The following GLIS3 variants were observed in gnomAD, a reference collection of about 807,000 sequenced individuals.
GLIS3 encodes zinc finger protein GLIS3.
A neutral mutation model predicts 78.6 loss-of-function variants in GLIS3; 53 were observed. That is an observed-to-expected ratio of 0.67 (90% confidence interval 0.54 to 0.85). The LOEUF is 0.85. Ranked by LOEUF, GLIS3 falls within the 40% of genes least tolerant of loss-of-function variation. GLIS3 has a pLI of 0.00. For synonymous variants in GLIS3, 684 were observed against 509.9 expected, an observed-to-expected ratio of 1.34 and a Z score of -4.60; for missense variants, 1,703 against 1,231.1, an observed-to-expected ratio of 1.38 and a Z score of -5.74.
At chr9:3,835,233 A>G (rs1452373432) in intron 9 of GLIS3, among the ~76,000 whole-genome samples, 1 of 152,170 alleles carries the variant, frequency 6.6e-6, no homozygotes, top group Non-Finnish European at 1.5e-5. Flanking sequence ...CATGGACAAC[A>G]CTCAGAATCG....
chr9:4,290,909 C>T (rs1471492109), intron 1 of GLIS3, among the ~76,000 whole-genome samples: 2 of 152,044 alleles, frequency 1.3e-5, no homozygotes, highest in African/African-American at 2.4e-5. Flanking sequence ...CAAATTGAAA[C>T]TGGAGGATAC....
At chr9:4,287,284 C>G (rs1022829226) in intron 1 of GLIS3, among the ~76,000 whole-genome samples, 2 of 152,104 alleles carry the variant, frequency 1.3e-5, no homozygotes, top group African/African-American at 4.8e-5. Flanking sequence ...AGTGACCTGT[C>G]CAGTATGTAC....
chr9:4,482,084 A>C, the GLIS3 span, among the ~76,000 whole-genome samples: 1 of 152,242 alleles, frequency 6.6e-6, no homozygotes, highest in Non-Finnish European at 1.5e-5. Context: ...TTATTAATTT[A>C]AATGGTATCT....
At chr9:4,121,422 A>G (rs1832171228) in intron 3 of GLIS3, among the ~76,000 whole-genome samples, 1 of 152,220 alleles carries the variant, frequency 6.6e-6, no homozygotes, top group Non-Finnish European at 1.5e-5. Context: ...ATACATACTA[A>G]GTACTCAAAA....
rs536116969 is a variant in GLIS3 at position 3,825,633 on chromosome 9, A to G, written c.*2639T>C. On this transcript the variant is annotated 3_prime_UTR_variant, in exon 11 of 11. Transcript: ENST00000381971. ...AGTTTCCACTTGTACTGCTGCAAAA[A>G]TAATGATGAATATATATATAAATCT... 2 of 152,356 alleles carry G rather than the reference A, an allele frequency of 1.3e-5. No homozygotes were observed. Among genetic ancestry groups the G allele is most frequent in the Admixed American group, 6.5e-5 (1 of 15,308 alleles). The allele number at this position is 152,356 out of a possible 1,614,324, so 9.4% of individuals were successfully genotyped here. A position where few individuals can be genotyped will look rare whatever the true frequency, so the allele number is the denominator to read the frequency against.
intron 2 of GLIS3, among the ~76,000 whole-genome samples, chr9:4,235,289 A>C: frequency 1.1e-5 from 1 of 93,454 alleles, no homozygotes; most frequent in Non-Finnish European, 2.0e-5. Flanking sequence ...ACACAGTGAG[A>C]CTCTGTCTCA....
intron 4 of GLIS3, among the ~76,000 whole-genome samples, chr9:4,045,796 T>C (rs7847440): frequency 0.079 from 11,996 of 152,130 alleles, 1,171 homozygotes; most frequent in African/African-American, 0.23. Context: ...GCAACAGAGA[T>C]CACTAATGTT....
intron 7 of GLIS3, among the ~76,000 whole-genome samples, chr9:3,882,106 A>T (rs1447697143): frequency 6.6e-6 from 1 of 152,216 alleles, no homozygotes; most frequent in African/African-American, 2.4e-5. Flanking sequence ...GGTACCTATC[A>T]TTTGGCAGAC....
chr9:4,107,375 TAAGAG>T (rs1343184398), intron 4 of GLIS3, among the ~76,000 whole-genome samples: 1 of 152,126 alleles, frequency 6.6e-6, no homozygotes, highest in African/African-American at 2.4e-5. Flanking sequence ...CCGAATGGGA[TAAGAG>T]AAGTCAAGCC....
intron 2 of GLIS3, among the ~76,000 whole-genome samples, chr9:4,273,803 C>A (rs1031565471): frequency 6.6e-5 from 10 of 152,092 alleles, no homozygotes; most frequent in Non-Finnish European, 1.3e-4. Context: ...TACCCAAGAT[C>A]CCCAATCTCT....
intron 4 of GLIS3, among the ~76,000 whole-genome samples, chr9:4,032,441 T>C (rs1400099646): frequency 2.6e-5 from 4 of 152,082 alleles, no homozygotes; most frequent in Non-Finnish European, 5.9e-5. Context: ...AGAATGCTTT[T>C]TTTTCAAAAT....
chr9:4,358,828 G>A, the GLIS3 span, among the ~76,000 whole-genome samples: 2,914 of 152,288 alleles, frequency 0.019, 96 homozygotes, highest in African/African-American at 0.066. Flanking sequence ...AAAGGTCCCT[G>A]TAAGATGTAA....
At chr9:4,020,917 T>TGCACACAGTTCCAAAAATAGA (rs1242672007) in intron 4 of GLIS3, among the ~76,000 whole-genome samples, 1 of 152,166 alleles carries the variant, frequency 6.6e-6, no homozygotes, top group African/African-American at 2.4e-5. Flanking sequence ...AACTTCCACC[T>TGCACACAGTTCCAAAAATAGA]GCACACAGTT....
At chr9:3,933,317 A>C (rs927883443) in intron 5 of GLIS3, among the ~76,000 whole-genome samples, 4 of 152,180 alleles carry the variant, frequency 2.6e-5, no homozygotes, top group Non-Finnish European at 5.9e-5. Flanking sequence ...CTGGGATTAA[A>C]GGTGTGTGCC....
At chr9:4,234,315 T>A (rs1822525593) in intron 2 of GLIS3, among the ~76,000 whole-genome samples, 2 of 152,226 alleles carry the variant, frequency 1.3e-5, no homozygotes, top group African/African-American at 4.8e-5. Flanking sequence ...GTGCGACTCC[T>A]CCTTTCACTT....
chr9:3,959,297 C>CA (rs1398691388), intron 4 of GLIS3, among the ~76,000 whole-genome samples: 1 of 152,228 alleles, frequency 6.6e-6, no homozygotes, highest in Non-Finnish European at 1.5e-5. Flanking sequence ...AGTAGGCTCT[C>CA]ACCAGACACT....
intron 4 of GLIS3, among the ~76,000 whole-genome samples, chr9:4,038,277 G>T (rs552840277): frequency 8.7e-6 from 1 of 115,012 alleles, no homozygotes; most frequent in Non-Finnish European, 1.8e-5. Flanking sequence ...TTTGAAGTGT[G>T]GTAGGAAACT....
the GLIS3 span, among the ~76,000 whole-genome samples, chr9:4,447,267 CA>C: frequency 2.0e-5 from 3 of 152,056 alleles, no homozygotes; most frequent in Non-Finnish European, 4.4e-5. Context: ...AGGCTGGTCT[CA>C]AACTCCTGGC....
intron 4 of GLIS3, among the ~76,000 whole-genome samples, chr9:4,091,517 GCACA>G (rs1564033167): frequency 2.2e-5 from 3 of 139,136 alleles, no homozygotes; most frequent in East Asian, 4.7e-4. Context: ...TAGACTACAC[GCACA>G]CGTGCACACA....
Sources: gnomAD v4.1 joint callset for allele counts (sites outside exome capture counted in the v4.1 genomes callset) on GRCh38, gnomAD v4.1.1 for gene constraint, MANE v1.5 for transcripts, NCBI Gene and HGNC (gene_info 2026-07-23, HGNC 2026-07-21) for gene names.